Variants in NKAIN2 observed in about 807,000 individuals in gnomAD.
The protein encoded by NKAIN2 is sodium/potassium transporting ATPase interacting 2.
A neutral mutation model predicts 32.6 loss-of-function variants in NKAIN2; 14 were observed. The ratio of observed to expected loss-of-function variants is 0.43; its 90% CI spans 0.28 to 0.67. The LOEUF (loss-of-function observed/expected upper bound fraction) is 0.67. Ranked by LOEUF, NKAIN2 falls within the 30% of genes least tolerant of loss-of-function variation. The pLI, the probability that NKAIN2 is intolerant of heterozygous loss-of-function variation, is 0.17. For synonymous variants in NKAIN2, 80 were observed against 87.2 expected (o/e 0.92, Z 0.46); for missense variants, 198 against 258.3 (o/e 0.77, Z 1.60).
intron 3 of NKAIN2, among the ~76,000 whole-genome samples, chr6:124,437,388 G>A (rs1426407837): frequency 6.6e-6 from 1 of 152,158 alleles, no homozygotes; most frequent in Non-Finnish European, 1.5e-5. Context: ...GTAAATAATT[G>A]CAAGTTTTAT....
At chr6:124,805,614 C>A (rs1780509807) in intron 5 of NKAIN2, among the ~76,000 whole-genome samples, 1 of 152,198 alleles carries the variant, frequency 6.6e-6, no homozygotes, top group Admixed American at 6.5e-5. Context: ...CGCAGTTCCT[C>A]ACCAGCAATG....
chr6:124,567,265 G>A (rs140444523), intron 3 of NKAIN2, among the ~76,000 whole-genome samples: 1 of 152,114 alleles, frequency 6.6e-6, no homozygotes, highest in East Asian at 1.9e-4. Context: ...CACACAGGAC[G>A]CATGACTATT....
intron 2 of NKAIN2, among the ~76,000 whole-genome samples, chr6:124,284,227 T>G (rs1377122064): frequency 6.6e-6 from 1 of 152,196 alleles, no homozygotes; most frequent in Non-Finnish European, 1.5e-5. Flanking sequence ...GTGAAGTTTT[T>G]TAATGCACAA....
intron 3 of NKAIN2, among the ~76,000 whole-genome samples, chr6:124,415,660 T>C (rs116502939): frequency 0.012 from 1,803 of 152,248 alleles, 27 homozygotes; most frequent in African/African-American, 0.041. Context: ...TATTCCTTCC[T>C]TGGTCTTTCT....
In NKAIN2 at chr6:124,004,694, C is replaced by T. The variant is rs965032014; in HGVS notation, c.54+200440C>T. On this transcript the variant is annotated intron_variant, in intron 1 of 6. Coordinates refer to ENST00000368417, the MANE Select transcript of NKAIN2 (RefSeq NM_001040214.3). ...CTTGGACACAGGGTGGGGAACATCACACACCGGGGCCTGTCAGGTGGTGGG... is the reference window on the plus strand; with the variant it reads ...CTTGGACACAGGGTGGGGAACATCATACACCGGGGCCTGTCAGGTGGTGGG... Among the ~76,000 whole-genome samples the T allele has an allele frequency of 9.2e-5, 14 of 151,680 alleles. 1 individual carries two copies. Among genetic ancestry groups the T allele is most frequent in the Admixed American group, 6.6e-4 (10 of 15,196 alleles).
chr6:124,320,894 G>A (rs1319789809), intron 2 of NKAIN2, among the ~76,000 whole-genome samples: 2 of 152,110 alleles, frequency 1.3e-5, no homozygotes, highest in Non-Finnish European at 2.9e-5. Flanking sequence ...AACCAAGGAT[G>A]AGAAATGAGG....
intron 1 of NKAIN2, among the ~76,000 whole-genome samples, chr6:124,110,443 G>A (rs1167056406): frequency 2.0e-5 from 3 of 151,834 alleles, no homozygotes; most frequent in East Asian, 3.9e-4. Context: ...GTGCATGTAC[G>A]GATTTTTTGC....
At chr6:124,362,069 AAT>A (rs2114280240) in intron 3 of NKAIN2, among the ~76,000 whole-genome samples, 2 of 152,184 alleles carry the variant, frequency 1.3e-5, no homozygotes, top group South Asian at 4.1e-4. Context: ...ATGAGATAAA[AAT>A]ATATGAGCAA....
At chr6:124,463,840 AT>A (rs1318115366) in intron 3 of NKAIN2, among the ~76,000 whole-genome samples, 3 of 152,058 alleles carry the variant, frequency 2.0e-5, no homozygotes, top group Non-Finnish European at 4.4e-5. Context: ...CATTGTAGTC[AT>A]TTTTTATTGT....
chr6:124,353,331 G>A (rs1798817315), intron 2 of NKAIN2, among the ~76,000 whole-genome samples: 1 of 152,154 alleles, frequency 6.6e-6, no homozygotes, highest in Admixed American at 6.5e-5. Context: ...GTTTGTTGCA[G>A]CACTAAGCAG....
Position 124,186,140 on chromosome 6 carries a change from A to AAAGG in NKAIN2, c.55-96852_55-96849dup, listed in dbSNP as rs796078160. Among the ~76,000 whole-genome samples the AAAGG allele has an allele frequency of 3.3e-4, 45 of 135,182 alleles. 1 individual carries two copies. Among genetic ancestry groups the AAAGG allele is most frequent in the African/African-American group, 1.3e-3 (40 of 31,922 alleles). The allele number at this position is 135,182 out of a possible 152,430, so 88.7% of individuals were successfully genotyped here. A position where few individuals can be genotyped will look rare whatever the true frequency, so the allele number is the denominator to read the frequency against. ...TTACAAAAAATAAAAAAAAGAAAAG[A>AAAGG]AAGGAAGGAAGGAAGGGAGGGAGGG... On this transcript the variant is annotated intron_variant, in intron 1 of 6. Coordinates refer to ENST00000368417, the MANE Select transcript of NKAIN2 (RefSeq NM_001040214.3).
At chr6:123,982,366 T>C (rs79402324) in intron 1 of NKAIN2, among the ~76,000 whole-genome samples, 2,150 of 152,284 alleles carry the variant, frequency 0.014, 19 homozygotes, top group Non-Finnish European at 0.021. Context: ...CAAAGAAGGA[T>C]TTATTATAAA....
intron 1 of NKAIN2, among the ~76,000 whole-genome samples, chr6:124,118,444 T>G (rs1477954535): frequency 1.3e-5 from 2 of 152,092 alleles, no homozygotes; most frequent in African/African-American, 2.4e-5. Context: ...AACAAATGAT[T>G]ATAAGATTTG....
At chr6:123,842,626 G>A (rs1774919904) in intron 1 of NKAIN2, among the ~76,000 whole-genome samples, 1 of 151,900 alleles carries the variant, frequency 6.6e-6, no homozygotes, top group South Asian at 2.1e-4. Context: ...ACTTCAGCAA[G>A]TGGAATCTTT....
At chr6:124,037,997 G>A (rs1781681419) in intron 1 of NKAIN2, among the ~76,000 whole-genome samples, 1 of 152,138 alleles carries the variant, frequency 6.6e-6, no homozygotes, top group Non-Finnish European at 1.5e-5. Flanking sequence ...TTAAAGTAGA[G>A]CTGCTTTGTT....
chr6:124,491,521 C>T (rs1214464292), intron 3 of NKAIN2, among the ~76,000 whole-genome samples: 2 of 151,794 alleles, frequency 1.3e-5, no homozygotes, highest in East Asian at 3.9e-4. Flanking sequence ...AAAATGAACG[C>T]AACATTTTTA....
At chr6:123,835,347 G>T (rs1485315306) in intron 1 of NKAIN2, among the ~76,000 whole-genome samples, 1 of 152,058 alleles carries the variant, frequency 6.6e-6, no homozygotes, top group South Asian at 2.1e-4. Flanking sequence ...TTTTTGGTAC[G>T]TGGCTATCAA....
rs901431057 is a variant in NKAIN2 at position 123,804,082 on chromosome 6, C to G, written c.-119C>G. 44 of 908,182 alleles carry G rather than the reference C, an allele frequency of 4.8e-5. No individual in the cohort carries two copies. In the African/African-American group the frequency reaches 6.3e-4, roughly 13 times the overall value. The allele number at this position is 908,182 out of a possible 1,614,324, so 56.3% of individuals were successfully genotyped here. On this transcript the variant is annotated 5_prime_UTR_variant, in exon 1 of 7. Coordinates refer to ENST00000368417, the MANE Select transcript of NKAIN2 (RefSeq NM_001040214.3). Reference sequence around the variant, plus strand: ...CAGGACGCTGGCAGCAGCAGCAGCCCGGAGCCCCCGAGCCCTCGGCAGGTT... The same window carrying G: ...CAGGACGCTGGCAGCAGCAGCAGCCGGGAGCCCCCGAGCCCTCGGCAGGTT...
intron 3 of NKAIN2, among the ~76,000 whole-genome samples, chr6:124,594,635 TTTGG>T (rs1043285871): frequency 6.6e-6 from 1 of 151,870 alleles, no homozygotes; most frequent in Non-Finnish European, 1.5e-5. Context: ...TTTTCCAAAG[TTTGG>T]TTGGGAGAGG....
Sources: gnomAD v4.1 joint callset for allele counts (sites outside exome capture counted in the v4.1 genomes callset) on GRCh38, gnomAD v4.1.1 for gene constraint, MANE v1.5 for transcripts, NCBI Gene and HGNC (gene_info 2026-07-23, HGNC 2026-07-21) for gene names.